Variants in TDRD1 observed in about 807,000 individuals in gnomAD.
TDRD1 encodes tudor domain containing 1.
In TDRD1, 37 loss-of-function variants were observed where a neutral mutation model predicts 140.6. The observed-to-expected ratio is 0.26, with a 90% CI of 0.20 to 0.35. The LOEUF (loss-of-function observed/expected upper bound fraction) is 0.35, where lower values mean the gene tolerates loss of function less well. TDRD1 is among the 10% of genes least tolerant of loss of function. TDRD1 has a pLI of 1.00. For missense variants in TDRD1, 1,243 were observed against 1,393.0 expected, an observed-to-expected ratio of 0.89 and a Z score of 1.71; for synonymous variants, 506 against 475.7, an observed-to-expected ratio of 1.06 and a Z score of -0.83.
chr10:114,186,544 T>C (rs35777012), intron 1 of TDRD1, among the ~76,000 whole-genome samples: 39,219 of 152,060 alleles, frequency 0.26, 5,366 homozygotes, highest in African/African-American at 0.33. Context: ...GGATTACAGG[T>C]GTGAGCCACC....
At chr10:114,180,922 G>A (rs1044720265) in intron 1 of TDRD1, among the ~76,000 whole-genome samples, 6 of 152,160 alleles carry the variant, frequency 3.9e-5, no homozygotes, top group South Asian at 2.1e-4. Flanking sequence ...TATCCTAGAG[G>A]GAGAAGAAAT....
chr10:114,223,595 A>G (rs1303741674), intron 21 of TDRD1, among the ~76,000 whole-genome samples: 2 of 152,216 alleles, frequency 1.3e-5, no homozygotes, highest in Non-Finnish European at 2.9e-5. Context: ...TTTCTTTTGT[A>G]TGAGAACTGG....
At chr10:114,184,084 A>G (rs2033321070) in intron 1 of TDRD1, among the ~76,000 whole-genome samples, 3 of 152,120 alleles carry the variant, frequency 2.0e-5, no homozygotes, top group Non-Finnish European at 4.4e-5. Context: ...GAAAGAGTAT[A>G]TTAATTGATA....
At chr10:114,219,591 T>A (rs1589708006) in intron 18 of TDRD1, among the ~76,000 whole-genome samples, 1 of 150,718 alleles carries the variant, frequency 6.6e-6, no homozygotes, top group East Asian at 1.9e-4. Context: ...TTTTTAATTT[T>A]TTTTTTTTTT....
chr10:114,227,015 A>G lies in TDRD1; in HGVS notation c.3176-57A>G, dbSNP rs1054198442. The G allele has an allele frequency of 6.6e-6, 6 of 906,910 alleles. No individual in the cohort carries two copies. In the African/African-American group the frequency reaches 8.4e-5, roughly 13 times the overall value. The allele number at this position is 906,910 out of a possible 1,614,324, so 56.2% of individuals were successfully genotyped here. A position where few individuals can be genotyped will look rare whatever the true frequency, so the allele number is the denominator to read the frequency against. On this transcript the variant is annotated intron_variant, in intron 22 of 25. Coordinates refer to ENST00000251864, the Ensembl canonical transcript of TDRD1. ...TTTGCTTATTATTCTTAGATAATTT[A>G]TCTAAATTCTGTCTTTTTAAAAGGG...
At chr10:114,181,366 C>T (rs1188253765) in intron 1 of TDRD1, among the ~76,000 whole-genome samples, 3 of 152,074 alleles carry the variant, frequency 2.0e-5, no homozygotes, top group Non-Finnish European at 4.4e-5. Context: ...TGAGGTTAGC[C>T]GATGTGGCTT....
chr10:114,210,591 A>G (rs1319809756), exon 12 of TDRD1: 1 of 1,592,566 alleles, frequency 6.3e-7, no homozygotes, highest in Non-Finnish European at 8.6e-7. Context: ...GTGATCCTGA[A>G]GATGTTGGAA....
intron 25 of TDRD1, among the ~76,000 whole-genome samples, chr10:114,230,314 T>C (rs1261476776): frequency 6.6e-6 from 1 of 152,260 alleles, no homozygotes; most frequent in East Asian, 1.9e-4. Context: ...ATTTAAAGCA[T>C]AGTAGTTGAA....
intron 3 of TDRD1, among the ~76,000 whole-genome samples, chr10:114,192,294 T>A (rs2034031931): frequency 9.2e-6 from 1 of 108,706 alleles, no homozygotes; most frequent in Non-Finnish European, 2.0e-5. Flanking sequence ...TAGTTTTCCT[T>A]TTTTTTTTTT....
exon 14 of TDRD1, chr10:114,211,941 A>T (rs1216135994): frequency 1.2e-6 from 2 of 1,612,478 alleles, no homozygotes; most frequent in South Asian, 2.2e-5. Flanking sequence ...TATGTAGATT[A>T]TGGAAACTTT....
chr10:114,183,024 A>G (rs1323662656), intron 1 of TDRD1, among the ~76,000 whole-genome samples: 2 of 152,184 alleles, frequency 1.3e-5, no homozygotes, highest in African/African-American at 2.4e-5. Flanking sequence ...TCTATAAAGC[A>G]CCATGGTGGA....
chr10:114,230,476 A>G (rs960612601), intron 25 of TDRD1, among the ~76,000 whole-genome samples: 6 of 152,288 alleles, frequency 3.9e-5, no homozygotes, highest in African/African-American at 7.2e-5. Context: ...AGAAAGTAGG[A>G]CCCATTTTAC....
intron 11 of TDRD1, among the ~76,000 whole-genome samples, chr10:114,208,106 A>G (rs1004735448): frequency 6.6e-6 from 1 of 152,172 alleles, no homozygotes; most frequent in African/African-American, 2.4e-5. Flanking sequence ...GGGAAAAAGC[A>G]TGAGCAGGCC....
Position 114,203,349 on chromosome 10 carries a change from G to T in TDRD1, c.802-39G>T, listed in dbSNP as rs571694198. The T allele has an allele frequency of 5.2e-6, 8 of 1,551,684 alleles. No individual in the cohort carries two copies. The South Asian group carries it at 7.4e-5, about 14-fold the overall frequency. ...TTAAGAAATTTACATTTCCTTGTGTGCCTTATGAATTATTCCTCTTTTTTT... is the reference window on the plus strand; with the variant it reads ...TTAAGAAATTTACATTTCCTTGTGTTCCTTATGAATTATTCCTCTTTTTTT... On this transcript the variant is annotated intron_variant, in intron 7 of 25. Transcript: ENST00000251864.
At chr10:114,187,774 TTC>T in intron 1 of TDRD1, 50 bp from the exon 2 acceptor site, 2 of 1,441,898 alleles carry the variant, frequency 1.4e-6, no homozygotes, top group East Asian at 4.6e-5. Context: ...CCTGCAGTTC[TTC>T]TGAAATTTTG....
At position 114,211,036 on chromosome 10, in the gene TDRD1, A is replaced by G. The variant is rs72823058; in HGVS notation, c.1660+69A>G. ...ATTTTTTACTTAGAATTGAGTAAAA[A>G]CCATTGAAACAGAGTCTTTGGTTTG... On this transcript the variant is annotated intron_variant, in intron 13 of 25. Coordinates refer to ENST00000251864, the Ensembl canonical transcript of TDRD1. 7,066 of 1,254,104 alleles carry G rather than the reference A, an allele frequency of 5.6e-3. 23 individuals carry two copies. Among genetic ancestry groups the G allele is most frequent in the Non-Finnish European group, 7.0e-3 (6,280 of 903,114 alleles). The allele number at this position is 1,254,104 out of a possible 1,614,324, so 77.7% of individuals were successfully genotyped here. A position where few individuals can be genotyped will look rare whatever the true frequency, so the allele number is the denominator to read the frequency against.
intron 2 of TDRD1, among the ~76,000 whole-genome samples, chr10:114,189,376 G>A (rs560509074): frequency 2.0e-5 from 3 of 152,236 alleles, no homozygotes; most frequent in Non-Finnish European, 2.9e-5. Context: ...TGAAAAGATG[G>A]ACACTGGTTA....
At chr10:114,231,684 G>A in exon 26 of TDRD1, 1 of 530,792 alleles carries the variant, frequency 1.9e-6, no homozygotes, top group Non-Finnish European at 3.3e-6. Flanking sequence ...TTTCCTCTAA[G>A]TTCCTTCCAC....
Position 114,212,081 on chromosome 10 carries a change from A to G in TDRD1, c.1831+45A>G, listed in dbSNP as rs777612739. 3.3e-6 allele frequency: 5 copies of G among 1,503,730 alleles called. No individual in the cohort carries two copies. The South Asian group carries it at 6.7e-5, about 20-fold the overall frequency. 93.1% of individuals were successfully genotyped at this position (1,503,730 alleles called of 1,614,324 possible). On this transcript the variant is annotated intron_variant, in intron 14 of 25. Transcript: ENST00000251864. Reference sequence around the variant, plus strand: ...TCCATATTCTTTAAAAATTCTACAGATGAAGAAACATGAAAAGATACACGA... The same window carrying G: ...TCCATATTCTTTAAAAATTCTACAGGTGAAGAAACATGAAAAGATACACGA...
Sources: gnomAD v4.1 joint callset for allele counts (sites outside exome capture counted in the v4.1 genomes callset) on GRCh38, gnomAD v4.1.1 for gene constraint, MANE v1.5 for transcripts, NCBI Gene and HGNC (gene_info 2026-07-23, HGNC 2026-07-21) for gene names.